Variants in PDZD2 observed in about 807,000 individuals in gnomAD.
The protein encoded by PDZD2 is PDZ domain-containing protein 2.
PDZD2 carries 90 observed loss-of-function variants against 220.7 expected under a neutral mutation model. The observed-to-expected ratio is 0.41, with a 90% CI of 0.34 to 0.49. The LOEUF (loss-of-function observed/expected upper bound fraction) is 0.49, where lower values mean the gene tolerates loss of function less well. PDZD2 is among the 20% of genes least tolerant of loss of function. The pLI is 0.28. For synonymous variants in PDZD2, 1,375 were observed against 1,450.5 expected, an observed-to-expected ratio of 0.95 and a Z score of 1.18; for missense variants, 3,174 against 3,608.5, an observed-to-expected ratio of 0.88 and a Z score of 3.08.
intron 2 of PDZD2, among the ~76,000 whole-genome samples, chr5:31,836,305 C>T (rs1480257076): frequency 1.4e-5 from 2 of 140,192 alleles, no homozygotes; most frequent in Non-Finnish European, 3.0e-5. Flanking sequence ...GATCTTGGCT[C>T]ACTGCAACCT....
Position 32,088,187 on chromosome 5 carries a change from C to G in PDZD2, c.4739C>G (p.Pro1580Arg), listed in dbSNP as rs1202399394. 9 of 1,614,156 alleles carry G rather than the reference C, an allele frequency of 5.6e-6. No homozygotes were observed. The highest frequency in any genetic ancestry group is 7.6e-6 in the Non-Finnish European group (9 of 1,180,004). The change falls in exon 20 of 25, where the codon CCT becomes CGT. Residue 1580 changes from proline (P) to arginine (R), a missense_variant. Physicochemically the swap from Pro to Arg is moderately radical, Grantham distance 103. Around this residue, in one of 4 missense-constraint regions of PDZD2, gnomAD observed 1,861 missense variants for 2,001.0 expected, o/e 0.93. Coordinates refer to ENST00000438447, the MANE Select transcript of PDZD2 (RefSeq NM_178140.4). This position sits in a 1 kb window ranked among gnomAD's most constrained non-coding sequence, Gnocchi z 4.6. ...RASARDGWSP[P>R]RSRVSLHKED... ...TCTGCCAGGGACGGCTGGTCCCCTC[C>G]TCGTTCCCGTGTGTCTTTGCACAAG... is the stretch of plus-strand genomic sequence containing the variant.
intron 2 of PDZD2, chr5:31,823,137 T>G: frequency 2.5e-6 from 1 of 393,096 alleles, no homozygotes; most frequent in South Asian, 2.1e-5. Flanking sequence ...TGGTCTTCAT[T>G]CTCGCAGTAG....
At position 32,072,161 on chromosome 5, in the gene PDZD2, G is replaced by A. The variant is rs1214227401; in HGVS notation, c.2569G>A (p.Asp857Asn). The A allele has an allele frequency of 1.2e-6, 2 of 1,603,014 alleles. No individual in the cohort carries two copies. Among genetic ancestry groups the A allele is most frequent in the East Asian group, 2.2e-5 (1 of 44,682 alleles). ...TATCGGATGTTTTCTTCTTCAACAG[G>A]ACTCCCTTATTTCTGAATCTGAACT... is the stretch of plus-strand genomic sequence containing the variant. ...PLKSPSLAKK[D>N]SLISESELSQ... Residue 857 changes from aspartate to asparagine, a missense_variant and splice_region_variant, in exon 17 of 25, where the codon GAC (aspartate) becomes AAC (asparagine). Asp to Asn is a conservative substitution (Grantham distance 23). Transcript: ENST00000438447.
At chr5:31,758,330 G>A (rs769354185) in intron 1 of PDZD2, among the ~76,000 whole-genome samples, 2 of 152,158 alleles carry the variant, frequency 1.3e-5, no homozygotes, top group Non-Finnish European at 2.9e-5. Flanking sequence ...AGTGCCGATG[G>A]CACTGGAGAT....
intron 6 of PDZD2, among the ~76,000 whole-genome samples, chr5:32,017,773 G>T (rs1449755279): frequency 3.9e-5 from 6 of 152,146 alleles, no homozygotes; most frequent in African/African-American, 1.4e-4. Context: ...CAAAAACAAA[G>T]GATTAAACAT....
chr5:32,086,364 G>A (rs563769162), intron 19 of PDZD2, among the ~76,000 whole-genome samples: 47 of 152,268 alleles, frequency 3.1e-4, no homozygotes, highest in East Asian at 2.9e-3. Context: ...TGACGCTTGC[G>A]GCTTTGCCAT....
At chr5:32,093,116 G>C in intron 21 of PDZD2, 92 bp downstream of exon 21, 1 of 708,122 alleles carries the variant, frequency 1.4e-6, no homozygotes, top group East Asian at 2.7e-5. Flanking sequence ...AGGAGAGCCC[G>C]CCCCGAGTCC....
chr5:31,916,082 T>A (rs1350396886), intron 2 of PDZD2, among the ~76,000 whole-genome samples: 1 of 152,224 alleles, frequency 6.6e-6, no homozygotes, highest in Non-Finnish European at 1.5e-5. Flanking sequence ...AACTGTTTTT[T>A]GTTTGTTTTG....
intron 2 of PDZD2, among the ~76,000 whole-genome samples, chr5:31,905,235 C>T (rs943167808): frequency 2.0e-5 from 3 of 152,336 alleles, no homozygotes; most frequent in African/African-American, 7.2e-5. Context: ...CCGCCCTCCT[C>T]AGCCTCCCAA....
At chr5:31,919,488 A>C (rs771299134) in intron 2 of PDZD2, among the ~76,000 whole-genome samples, 3 of 151,954 alleles carry the variant, frequency 2.0e-5, no homozygotes, top group Non-Finnish European at 2.9e-5. Context: ...CTAGGATTAC[A>C]GGCACACGCC....
chr5:32,071,725 G>A (rs1364042245), intron 16 of PDZD2, among the ~76,000 whole-genome samples: 1 of 152,178 alleles, frequency 6.6e-6, no homozygotes, highest in African/African-American at 2.4e-5. Flanking sequence ...GCTTTAAGGA[G>A]GCCACGCAAT....
intron 1 of PDZD2, among the ~76,000 whole-genome samples, chr5:31,699,792 G>T (rs202013126): frequency 1.6e-4 from 22 of 134,252 alleles, no homozygotes; most frequent in East Asian, 2.2e-4. Flanking sequence ...TTTTTTTTTT[G>T]TTTTTTTTTT....
intron 2 of PDZD2, among the ~76,000 whole-genome samples, chr5:31,899,996 C>G (rs1169058291): frequency 1.3e-5 from 2 of 152,202 alleles, no homozygotes; most frequent in Non-Finnish European, 2.9e-5. Context: ...AGGTGTTTTT[C>G]TGTCAATTGA....
At chr5:31,778,452 T>G (rs1263899778) in intron 1 of PDZD2, among the ~76,000 whole-genome samples, 1 of 152,236 alleles carries the variant, frequency 6.6e-6, no homozygotes, top group South Asian at 2.1e-4. Flanking sequence ...GCTTCACTCC[T>G]GAGGCCAGCG....
At chr5:31,869,673 A>C (rs533572483) in intron 2 of PDZD2, among the ~76,000 whole-genome samples, 1 of 152,312 alleles carries the variant, frequency 6.6e-6, no homozygotes, top group African/African-American at 2.4e-5. Flanking sequence ...TGAAATAGGT[A>C]GTGACGGGGA....
chr5:31,840,588 CT>C (rs1757245145), intron 2 of PDZD2: 1 of 715,104 alleles, frequency 1.4e-6, no homozygotes, highest in African/African-American at 1.8e-5. Flanking sequence ...CAGGCTGGCA[CT>C]TCAGTTGAAC....
At chr5:31,948,834 C>T (rs567957533) in intron 2 of PDZD2, among the ~76,000 whole-genome samples, 7 of 152,176 alleles carry the variant, frequency 4.6e-5, no homozygotes, top group African/African-American at 1.2e-4. Context: ...TGTGGTGGCT[C>T]ATGCCTGTAA....
intron 2 of PDZD2, among the ~76,000 whole-genome samples, chr5:31,863,290 G>A (rs780604753): frequency 6.6e-6 from 1 of 152,126 alleles, no homozygotes; most frequent in Non-Finnish European, 1.5e-5. Context: ...GCCAGCAGCC[G>A]AACTCAGCAC....
chr5:31,658,809 C>A (rs775810208), intron 1 of PDZD2, among the ~76,000 whole-genome samples: 2 of 151,884 alleles, frequency 1.3e-5, no homozygotes, highest in Admixed American at 6.6e-5. Flanking sequence ...TTAGTAGAGA[C>A]GGGGTTTCAC....
Sources: gnomAD v4.1 joint callset for allele counts (sites outside exome capture counted in the v4.1 genomes callset) on GRCh38, gnomAD v4.1.1 for gene constraint, gnomAD v4.1.1 regional missense constraint, Gnocchi (gnomAD v3.1) non-coding constraint, MANE v1.5 for transcripts, NCBI Gene and HGNC (gene_info 2026-07-23, HGNC 2026-07-21) for gene names.